Variants in DYM observed in about 807,000 individuals in gnomAD.
The protein encoded by DYM is dyggve-Melchior-Clausen syndrome protein.
A neutral mutation model predicts 93.1 loss-of-function variants in DYM; 78 were observed. The observed-to-expected ratio is 0.84, with a 90% CI of 0.70 to 1.01. The LOEUF is 1.01. DYM is among the 50% of genes least tolerant of loss of function. DYM has a pLI of 0.00. For synonymous variants in DYM, 321 were observed against 319.7 expected, an observed-to-expected ratio of 1.00 and a Z score of -0.04; for missense variants, 789 against 845.0, an observed-to-expected ratio of 0.93 and a Z score of 0.82.
rs555409173 is a variant in DYM at position 49,350,728 on chromosome 18, A to AG, written c.494+12432_494+12433insC. Among the ~76,000 whole-genome samples the AG allele has an allele frequency of 1.3e-4, 15 of 116,698 alleles. No homozygotes were observed. In the East Asian group the frequency reaches 6.6e-3, roughly 51 times the overall value. The allele number at this position is 116,698 out of a possible 152,430, so 76.6% of individuals were successfully genotyped here. A position where few individuals can be genotyped will look rare whatever the true frequency, so the allele number is the denominator to read the frequency against. ...CTCAAGAAAAAAAGAAAAAAAAAGA[A>AG]AAAAAAAAAAAAAACAAGAAACACT... On this transcript the variant is annotated intron_variant, in intron 6 of 17. Coordinates refer to ENST00000675505, the MANE Select transcript of DYM (RefSeq NM_001353214.3).
intron 2 of DYM, among the ~76,000 whole-genome samples, chr18:49,419,122 G>T (rs1451389384): frequency 6.6e-6 from 1 of 152,140 alleles, no homozygotes; most frequent in Non-Finnish European, 1.5e-5. Context: ...CAGCACTTTG[G>T]GAGGTCAAGG....
intron 13 of DYM, among the ~76,000 whole-genome samples, chr18:49,242,753 G>A (rs1371411266): frequency 6.6e-6 from 1 of 152,194 alleles, no homozygotes; most frequent in Non-Finnish European, 1.5e-5. Flanking sequence ...AGGCTGGAGT[G>A]CAGTGGCGCC....
intron 10 of DYM, 42 bp from the exon 11 acceptor site, chr18:49,272,345 T>C (rs2094727044): frequency 2.4e-6 from 3 of 1,244,710 alleles, no homozygotes; most frequent in South Asian, 1.2e-5. Context: ...AATACTTCAT[T>C]ATAAATCCAA....
chr18:49,070,534 G>C (rs2076804647), intron 17 of DYM, among the ~76,000 whole-genome samples: 1 of 152,170 alleles, frequency 6.6e-6, no homozygotes, highest in African/African-American at 2.4e-5. Context: ...CTCTGAGTGT[G>C]AACAGTCTTC....
At chr18:49,440,925 TATATTATATAATATATAATATA>T (rs1284652095) in intron 1 of DYM, among the ~76,000 whole-genome samples, 2 of 2,900 alleles carry the variant, frequency 6.9e-4, no homozygotes, top group African/African-American at 9.8e-4. Context: ...TTTTATATAA[TATATTATATAATATATAATATA>T]TTATATAAAT....
intron 11 of DYM, among the ~76,000 whole-genome samples, chr18:49,271,021 CAGTA>C (rs1295111142): frequency 2.6e-5 from 4 of 152,158 alleles, no homozygotes; most frequent in Non-Finnish European, 5.9e-5. Flanking sequence ...CAACAAGGTA[CAGTA>C]AGTAAGACCT....
At chr18:49,184,814 G>A (rs2090287284) in intron 14 of DYM, among the ~76,000 whole-genome samples, 1 of 152,120 alleles carries the variant, frequency 6.6e-6, no homozygotes, top group South Asian at 2.1e-4. Context: ...TTGATTGTGG[G>A]TAACTGAAAC....
chr18:49,258,621 CCA>C, intron 11 of DYM, 128 bp from the exon 12 acceptor site: 1 of 692,474 alleles, frequency 1.4e-6, no homozygotes, highest in Non-Finnish European at 2.6e-6. Context: ...CAGACAGAGG[CCA>C]CGCAAATGAG....
intron 8 of DYM, among the ~76,000 whole-genome samples, chr18:49,329,272 T>G: frequency 2.5e-5 from 1 of 39,724 alleles, no homozygotes; most frequent in Admixed American, 3.8e-4. Flanking sequence ...CATCACACAC[T>G]GGGGCCTGTT....
At chr18:49,242,485 T>C (rs926710741) in intron 13 of DYM, among the ~76,000 whole-genome samples, 2 of 152,178 alleles carry the variant, frequency 1.3e-5, no homozygotes, top group Admixed American at 1.3e-4. Context: ...GTAATATACA[T>C]TGAAAAATAA....
At chr18:49,070,431 C>T (rs2076798170) in intron 17 of DYM, among the ~76,000 whole-genome samples, 1 of 152,180 alleles carries the variant, frequency 6.6e-6, no homozygotes, top group Non-Finnish European at 1.5e-5. Context: ...TCCAGCATCC[C>T]ACCTGCCTCT....
intron 6 of DYM, 130 bp from the exon 7 acceptor site, chr18:49,333,983 T>C (rs997956529): frequency 1.4e-4 from 132 of 972,088 alleles, no homozygotes; most frequent in Middle Eastern, 3.3e-4. Context: ...AAAATGTTAA[T>C]ACGTTTAATA....
At chr18:49,263,236 G>A (rs1219787817) in intron 11 of DYM, among the ~76,000 whole-genome samples, 1 of 151,008 alleles carries the variant, frequency 6.6e-6, no homozygotes, top group Non-Finnish European at 1.5e-5. Context: ...CTCCTGCCTC[G>A]GCCTCCTGAG....
intron 13 of DYM, among the ~76,000 whole-genome samples, chr18:49,238,066 T>C (rs1403450768): frequency 1.3e-5 from 2 of 152,198 alleles, no homozygotes; most frequent in African/African-American, 2.4e-5. Context: ...GTAGGATTGC[T>C]GGGTCAAAGG....
intron 8 of DYM, among the ~76,000 whole-genome samples, chr18:49,317,109 A>G (rs1408739302): frequency 6.6e-6 from 1 of 152,240 alleles, no homozygotes; most frequent in Non-Finnish European, 1.5e-5. Context: ...CAAATGTAGT[A>G]CACTAATGGA....
Position 49,331,867 on chromosome 18 carries a change from C to T in DYM, c.760G>A (p.Ala254Thr), listed in dbSNP as rs769012833. Residue 254 changes from alanine (A) to threonine (T), a missense_variant, in exon 8 of 18, where the codon GCA becomes ACA. Around this residue, in one of 3 missense-constraint regions of DYM, gnomAD observed 450 missense variants for 436.2 expected, o/e 1.03. Coordinates refer to ENST00000675505, the MANE Select transcript of DYM (RefSeq NM_001353214.3). ...GAAAAAATCTGATAAAACTTACTTG[C>T]TACTCCTGATGCAAGTCCATAAAGC... ...GLLYGLASGVATGLWTVFTLG... is the reference protein window; with the variant it reads ...GLLYGLASGVTTGLWTVFTLG... 3 of 1,614,032 alleles carry T rather than the reference C, an allele frequency of 1.9e-6. No homozygotes were observed. The highest frequency in any genetic ancestry group is 2.2e-5 in the East Asian group (1 of 44,878).
At chr18:49,113,911 T>A (rs2081667419) in intron 16 of DYM, among the ~76,000 whole-genome samples, 1 of 152,224 alleles carries the variant, frequency 6.6e-6, no homozygotes, top group Non-Finnish European at 1.5e-5. Context: ...TCATTTGGAA[T>A]CTTAATTAGG....
chr18:49,299,903 C>T (rs537493857), intron 8 of DYM, among the ~76,000 whole-genome samples: 3 of 150,996 alleles, frequency 2.0e-5, no homozygotes, highest in Non-Finnish European at 3.0e-5. Context: ...ATTAGCTGGG[C>T]GTGGTGGCAG....
chr18:49,140,060 T>A (rs141291499), intron 15 of DYM, among the ~76,000 whole-genome samples: 1 of 152,102 alleles, frequency 6.6e-6, no homozygotes, highest in Non-Finnish European at 1.5e-5. Context: ...ATTCAATAAA[T>A]TCAAAAAATA....
Sources: gnomAD v4.1 joint callset for allele counts (sites outside exome capture counted in the v4.1 genomes callset) on GRCh38, gnomAD v4.1.1 for gene constraint, gnomAD v4.1.1 regional missense constraint, MANE v1.5 for transcripts, NCBI Gene and HGNC (gene_info 2026-07-23, HGNC 2026-07-21) for gene names.